The following CIT variants were observed in gnomAD, a reference collection of about 807,000 sequenced individuals.
The protein encoded by CIT is citron rho-interacting serine/threonine kinase.
Under a neutral mutation model 272.7 loss-of-function variants are expected in CIT, and 79 were observed. That is an observed-to-expected ratio of 0.29 (90% confidence interval 0.24 to 0.35). The LOEUF (loss-of-function observed/expected upper bound fraction) is 0.35. Ranked by LOEUF, CIT falls within the 10% of genes least tolerant of loss-of-function variation. The pLI is 1.00. For synonymous variants in CIT, 948 were observed against 995.6 expected (o/e 0.95, Z 0.90); for missense variants, 1,909 against 2,618.3 (o/e 0.73, Z 5.91).
In CIT at chr12:119,687,005, G is replaced by A. The variant is rs1421013159; in HGVS notation, c.*1227C>T. On this transcript the variant is annotated 3_prime_UTR_variant, in exon 48 of 48. Coordinates refer to ENST00000392521, the MANE Select transcript of CIT (RefSeq NM_001206999.2). Reference sequence around the variant, plus strand: ...GGTGTGAACAGAGTCATCCTCTGCAGGCAGGGAAGTGTGAAGTTTGGAGGG... The same window carrying A: ...GGTGTGAACAGAGTCATCCTCTGCAAGCAGGGAAGTGTGAAGTTTGGAGGG... The A allele has an allele frequency of 6.5e-6, 1 of 152,830 alleles. No individual in the cohort carries two copies. Among genetic ancestry groups the A allele is most frequent in the Non-Finnish European group, 1.5e-5 (1 of 68,194 alleles). 9.5% of individuals were successfully genotyped at this position (152,830 alleles called of 1,614,324 possible).
chr12:119,776,908 G>A, intron 13 of CIT, 66 bp from the exon 14 acceptor site: 1 of 1,522,570 alleles, frequency 6.6e-7, no homozygotes, highest in Non-Finnish European at 9.0e-7. Context: ...AGGCAGTGAG[G>A]ATGGAAGAGT....
At chr12:119,735,639 GA>G (rs768073649) in intron 24 of CIT, among the ~76,000 whole-genome samples, 96 of 152,260 alleles carry the variant, frequency 6.3e-4, no homozygotes, top group Admixed American at 1.1e-3. Flanking sequence ...TGAAACGGAT[GA>G]CTTCGAATGA....
chr12:119,830,424 G>C (rs1241202978), intron 7 of CIT, among the ~76,000 whole-genome samples: 2 of 151,958 alleles, frequency 1.3e-5, no homozygotes, highest in Non-Finnish European at 2.9e-5. Context: ...GCTCCGAAGA[G>C]AATGACCCCA....
intron 7 of CIT, among the ~76,000 whole-genome samples, chr12:119,831,810 C>CA (rs1968657630): frequency 6.6e-6 from 1 of 152,040 alleles, no homozygotes; most frequent in Non-Finnish European, 1.5e-5. Context: ...GCGGAGCTTG[C>CA]AGTGAGCCGA....
chr12:119,860,165 G>A (rs1203621994), intron 3 of CIT, among the ~76,000 whole-genome samples: 1 of 152,046 alleles, frequency 6.6e-6, no homozygotes, highest in African/African-American at 2.4e-5. Context: ...TTGCACGGGT[G>A]GAGTTGAAAT....
At chr12:119,820,911 A>G (rs984985747) in intron 9 of CIT, among the ~76,000 whole-genome samples, 6 of 152,204 alleles carry the variant, frequency 3.9e-5, no homozygotes, top group Admixed American at 3.9e-4. Flanking sequence ...TCGAGGCTGC[A>G]GTGAGCCGTG....
intron 21 of CIT, 77 bp from the exon 22 acceptor site, chr12:119,757,622 G>A (rs183365617): frequency 2.2e-5 from 35 of 1,562,516 alleles, no homozygotes; most frequent in Admixed American, 1.4e-4. Flanking sequence ...GGAGGTAGAC[G>A]GACACGGAGT....
chr12:119,805,025 C>T (rs1966507337), intron 9 of CIT, among the ~76,000 whole-genome samples: 1 of 151,974 alleles, frequency 6.6e-6, no homozygotes, highest in Non-Finnish European at 1.5e-5. Flanking sequence ...CTTCCATCAA[C>T]ACAGGCTCAA....
intron 9 of CIT, among the ~76,000 whole-genome samples, chr12:119,807,390 CAT>C (rs2137915672): frequency 6.6e-6 from 1 of 152,308 alleles, no homozygotes; most frequent in Non-Finnish European, 1.5e-5. Flanking sequence ...TATGTTATCA[CAT>C]ATATCTTGGG....
chr12:119,704,048 T>C (rs1738401467), intron 41 of CIT, among the ~76,000 whole-genome samples: 1 of 152,184 alleles, frequency 6.6e-6, no homozygotes, highest in African/African-American at 2.4e-5. Context: ...CCCCCCCTTT[T>C]TTTTTTCCAC....
At chr12:119,794,313 G>A (rs952684272) in intron 10 of CIT, among the ~76,000 whole-genome samples, 1 of 152,066 alleles carries the variant, frequency 6.6e-6, no homozygotes, top group Admixed American at 6.5e-5. Flanking sequence ...TAAGTGAATG[G>A]TGTGCTAGTA....
intron 23 of CIT, among the ~76,000 whole-genome samples, chr12:119,745,374 C>CAAAAGAAAAAAAAAAAAAAAAAAAAAAA (rs1959208406): frequency 1.4e-4 from 1 of 7,012 alleles, no homozygotes; most frequent in Non-Finnish European, 2.9e-4. Context: ...AAGAAACAAG[C>CAAAAGAAAAAAAAAAAAAAAAAAAAAAA]AAAAAAAAAA....
intron 2 of CIT, 90 bp downstream of exon 2, chr12:119,875,983 A>T: frequency 2.4e-6 from 2 of 819,718 alleles, no homozygotes; most frequent in Non-Finnish European, 2.0e-6. Flanking sequence ...GACTCTAAAT[A>T]AATAAACAAA....
At chr12:119,846,656 C>A (rs1307839223) in intron 5 of CIT, among the ~76,000 whole-genome samples, 2 of 152,140 alleles carry the variant, frequency 1.3e-5, no homozygotes, top group African/African-American at 4.8e-5. Context: ...GTGATCCCAA[C>A]AATTTGGGAA....
intron 32 of CIT, among the ~76,000 whole-genome samples, chr12:119,714,601 T>A (rs2137082902): frequency 6.6e-6 from 1 of 152,164 alleles, no homozygotes; most frequent in South Asian, 2.1e-4. Flanking sequence ...TTATCAGTCG[T>A]TAGAGAGATG....
chr12:119,692,597 C>G (rs957803923), intron 46 of CIT, among the ~76,000 whole-genome samples: 1 of 152,194 alleles, frequency 6.6e-6, no homozygotes. Flanking sequence ...TATGCATTGT[C>G]TTACAGCTGC....
At chr12:119,848,369 C>T (rs1191944235) in intron 5 of CIT, among the ~76,000 whole-genome samples, 2 of 152,190 alleles carry the variant, frequency 1.3e-5, no homozygotes, top group African/African-American at 4.8e-5. Context: ...GAGTTCATCC[C>T]TCTTACCCTT....
Position 119,687,005 on chromosome 12 carries a change from G to C in CIT, c.*1227C>G, listed in dbSNP as rs1421013159. On this transcript the variant is annotated 3_prime_UTR_variant, in exon 48 of 48. Coordinates refer to ENST00000392521, the MANE Select transcript of CIT (RefSeq NM_001206999.2). ...GGTGTGAACAGAGTCATCCTCTGCA[G>C]GCAGGGAAGTGTGAAGTTTGGAGGG... is the stretch of plus-strand genomic sequence containing the variant. 1 of 152,948 alleles carries C rather than the reference G, an allele frequency of 6.5e-6. No individual in the cohort carries two copies. The highest frequency in any genetic ancestry group is 1.5e-5 in the Non-Finnish European group (1 of 68,186). The allele number at this position is 152,948 out of a possible 1,614,324, so 9.5% of individuals were successfully genotyped here.
intron 32 of CIT, among the ~76,000 whole-genome samples, chr12:119,715,366 T>C (rs997547944): frequency 2.1e-4 from 32 of 152,230 alleles, no homozygotes; most frequent in African/African-American, 7.5e-4. Context: ...GGAATGAAGT[T>C]CTGATACATG....
Sources: gnomAD v4.1 joint callset for allele counts (sites outside exome capture counted in the v4.1 genomes callset) on GRCh38, gnomAD v4.1.1 for gene constraint, MANE v1.5 for transcripts, NCBI Gene and HGNC (gene_info 2026-07-23, HGNC 2026-07-21) for gene names.